Variants in PLA2G4A observed in about 807,000 individuals in gnomAD.
The protein encoded by PLA2G4A is phospholipase A2 group IVA, also known as cytosolic phospholipase A2.
PLA2G4A carries 40 observed loss-of-function variants against 81.9 expected under a neutral mutation model. The observed-to-expected ratio is 0.49, with a 90% CI of 0.38 to 0.64. PLA2G4A has a LOEUF of 0.64. Among genes scored for constraint, PLA2G4A ranks in the 30% least tolerant of loss-of-function variants. The probability of loss-of-function intolerance (pLI) is 0.00; values close to 1 mark genes in which losing one functional copy is unlikely to be tolerated. For synonymous variants in PLA2G4A, 302 were observed against 296.9 expected (o/e 1.02, Z -0.18); for missense variants, 715 against 905.1 (o/e 0.79, Z 2.69).
At chr1:186,961,133 C>G (rs969604418) in intron 14 of PLA2G4A, among the ~76,000 whole-genome samples, 1 of 149,652 alleles carries the variant, frequency 6.7e-6, no homozygotes, top group East Asian at 2.0e-4. Context: ...AAAAGTTGAA[C>G]TCAGAAGTAG....
chr1:186,972,206 A>G (rs991645402), intron 15 of PLA2G4A, among the ~76,000 whole-genome samples: 2 of 152,144 alleles, frequency 1.3e-5, no homozygotes, highest in Non-Finnish European at 2.9e-5. Context: ...AGTCCAATAT[A>G]AAGAGTTCAT....
chr1:186,906,645 G>A (rs1375462165), intron 5 of PLA2G4A, among the ~76,000 whole-genome samples: 1 of 152,136 alleles, frequency 6.6e-6, no homozygotes, highest in African/African-American at 2.4e-5. Context: ...TTATATCTCA[G>A]GCACTTTTTA....
chr1:186,856,775 A>T (rs1339356707), intron 2 of PLA2G4A, among the ~76,000 whole-genome samples: 1 of 151,914 alleles, frequency 6.6e-6, no homozygotes, highest in Non-Finnish European at 1.5e-5. Flanking sequence ...TCTGGAAAGG[A>T]TTTCTAGGGG....
intron 15 of PLA2G4A, 93 bp from the exon 16 acceptor site, chr1:186,977,500 A>G: frequency 1.3e-6 from 1 of 788,964 alleles, no homozygotes; most frequent in Admixed American, 1.9e-5. Context: ...GCTGGCACAC[A>G]GTAGACACCT....
intron 15 of PLA2G4A, among the ~76,000 whole-genome samples, chr1:186,976,990 G>A (rs138537500): frequency 7.2e-5 from 11 of 152,260 alleles, no homozygotes; most frequent in Admixed American, 2.0e-4. Context: ...AATTTGCCAC[G>A]ACCATTAACT....
intron 1 of PLA2G4A, among the ~76,000 whole-genome samples, chr1:186,838,390 C>A (rs920107478): frequency 6.6e-6 from 1 of 152,050 alleles, no homozygotes; most frequent in Non-Finnish European, 1.5e-5. Context: ...AAACCAAAAC[C>A]AAATCTAAAC....
chr1:186,934,625 T>C (rs1013405881), intron 8 of PLA2G4A, among the ~76,000 whole-genome samples: 2 of 151,792 alleles, frequency 1.3e-5, no homozygotes, highest in African/African-American at 4.8e-5. Flanking sequence ...CTTTTACCTT[T>C]TTATTTCATT....
At chr1:186,947,222 C>T (rs538500453) in intron 12 of PLA2G4A, among the ~76,000 whole-genome samples, 9 of 152,006 alleles carry the variant, frequency 5.9e-5, no homozygotes, top group South Asian at 2.1e-4. Flanking sequence ...ATTCCTTTTT[C>T]GCATTATACT....
chr1:186,917,132 G>A (rs1655166583), intron 7 of PLA2G4A, among the ~76,000 whole-genome samples: 1 of 152,042 alleles, frequency 6.6e-6, no homozygotes. Flanking sequence ...GATGGTCTGA[G>A]GTCCTTTCCA....
At chr1:186,845,815 A>G (rs1652150474) in intron 1 of PLA2G4A, among the ~76,000 whole-genome samples, 1 of 152,202 alleles carries the variant, frequency 6.6e-6, no homozygotes, top group Admixed American at 6.5e-5. Context: ...TTAAACTTTC[A>G]TTGAATGCCA....
rs373844786 is a variant in PLA2G4A, at chr1:186,979,384, C to A, written c.2030C>A (p.Pro677Gln). The change falls in exon 17 of 18, where the codon CCA becomes CAA. Residue 677 changes from proline (P) to glutamine (Q), a missense_variant. By Grantham distance (76) the Pro-to-Gln change is moderately conservative (BLOSUM62 -1). Coordinates refer to ENST00000367466, the MANE Select transcript of PLA2G4A (RefSeq NM_024420.3). ...DFDIFDDPES[P>Q]FSTFNFQYPN... ...GATATTTTTGATGACCCAGAATCACCATTTTCAACCTTCAATTTTCAATAT... is the reference window on the plus strand; with the variant it reads ...GATATTTTTGATGACCCAGAATCACAATTTTCAACCTTCAATTTTCAATAT... The A allele has an allele frequency of 5.0e-6, 8 of 1,605,376 alleles. No individual in the cohort carries two copies. Among genetic ancestry groups the A allele is most frequent in the Non-Finnish European group, 6.8e-6 (8 of 1,172,082 alleles).
chr1:186,966,624 T>C (rs1471147897), intron 15 of PLA2G4A, among the ~76,000 whole-genome samples: 1 of 152,166 alleles, frequency 6.6e-6, no homozygotes, highest in Non-Finnish European at 1.5e-5. Flanking sequence ...AGCTTCTGAA[T>C]GTGGCAATAT....
intron 14 of PLA2G4A, among the ~76,000 whole-genome samples, chr1:186,958,640 T>G (rs1656838743): frequency 6.6e-6 from 1 of 152,238 alleles, no homozygotes; most frequent in Admixed American, 6.5e-5. Flanking sequence ...CTTGGCCACA[T>G]ACCATTCCCC....
intron 2 of PLA2G4A, among the ~76,000 whole-genome samples, chr1:186,869,987 G>A (rs1314608959): frequency 1.3e-5 from 2 of 152,248 alleles, no homozygotes; most frequent in Non-Finnish European, 2.9e-5. Flanking sequence ...TGGTTCCATA[G>A]GGTTTTGAAA....
At chr1:186,946,099 T>G (rs2102232114) in intron 10 of PLA2G4A, among the ~76,000 whole-genome samples, 1 of 152,300 alleles carries the variant, frequency 6.6e-6, no homozygotes, top group African/African-American at 2.4e-5. Flanking sequence ...AGTATACATC[T>G]CTGGCACTAT....
In PLA2G4A at chr1:186,988,563, T is replaced by A; in HGVS notation, c.*55T>A. The A allele has an allele frequency of 6.6e-7, 1 of 1,521,178 alleles. No homozygotes were observed. Among genetic ancestry groups the A allele is most frequent in the East Asian group, 2.3e-5 (1 of 43,540 alleles). The allele number at this position is 1,521,178 out of a possible 1,614,324, so 94.2% of individuals were successfully genotyped here. On this transcript the variant is annotated 3_prime_UTR_variant, in exon 18 of 18. Transcript: ENST00000367466. ...GATGCTGAGGCAGTTTGCAATCCCATGACAACTGGATTTAAAAGTACAGTA... is the reference window on the plus strand; with the variant it reads ...GATGCTGAGGCAGTTTGCAATCCCAAGACAACTGGATTTAAAAGTACAGTA...
chr1:186,864,506 G>C (rs552462689), intron 2 of PLA2G4A, among the ~76,000 whole-genome samples: 1 of 151,922 alleles, frequency 6.6e-6, no homozygotes, highest in South Asian at 2.1e-4. Flanking sequence ...GTTGGGATGA[G>C]GTAATATCTC....
At chr1:186,867,167 A>C (rs1352065541) in intron 2 of PLA2G4A, among the ~76,000 whole-genome samples, 1 of 151,862 alleles carries the variant, frequency 6.6e-6, no homozygotes, top group Non-Finnish European at 1.5e-5. Flanking sequence ...CTTCTCCTTC[A>C]AATTTGTGTT....
At chr1:186,871,679 G>T (rs962806953) in intron 3 of PLA2G4A, among the ~76,000 whole-genome samples, 2 of 152,124 alleles carry the variant, frequency 1.3e-5, no homozygotes, top group African/African-American at 4.8e-5. Context: ...TGGAAGGGCA[G>T]ATGAGACTAG....
Sources: allele counts gnomAD v4.1 joint callset (sites outside exome capture counted in the v4.1 genomes callset), GRCh38; gene constraint gnomAD v4.1.1; transcripts MANE v1.5; gene names NCBI Gene and HGNC (gene_info 2026-07-23, HGNC 2026-07-21).